The following PRX variants were observed in gnomAD, a reference collection of about 807,000 sequenced individuals.
PRX encodes periaxin.
PRX carries 24 observed loss-of-function variants against 29.6 expected under a neutral mutation model. That is an observed-to-expected ratio of 0.81 (90% CI 0.59 to 1.14). The LOEUF (loss-of-function observed/expected upper bound fraction) is 1.14. Among genes scored for constraint, PRX ranks in the 50% most tolerant of loss-of-function variants. PRX has a pLI of 0.00. For missense variants in PRX, 1,838 were observed against 1,926.4 expected (o/e 0.95, Z 0.86); for synonymous variants, 772 against 831.7 (o/e 0.93, Z 1.24).
Position 40,398,962 on chromosome 19 carries a change from T to C in PRX, c.185-146A>G. On this transcript the variant is annotated intron_variant, in intron 5 of 6. Transcript: ENST00000324001. This position sits in a 1 kb window ranked among gnomAD's most constrained non-coding sequence, Gnocchi z 6.3. ...TCCCCAGCGCAGGATTAAGTCGCAGTTACGCTAGTCCCCGCCCCATGACCT... is the reference window on the plus strand; with the variant it reads ...TCCCCAGCGCAGGATTAAGTCGCAGCTACGCTAGTCCCCGCCCCATGACCT... The C allele has an allele frequency of 6.7e-7, 1 of 1,491,244 alleles. No homozygotes were observed. The allele number at this position is 1,491,244 out of a possible 1,614,324, so 92.4% of individuals were successfully genotyped here.
Position 40,398,579 on chromosome 19 carries a change from C to A in PRX, c.381+41G>T. 6.2e-7 allele frequency: 1 copy of A among 1,609,368 alleles called. No homozygotes were observed. The highest frequency in any genetic ancestry group is 8.5e-7 in the Non-Finnish European group (1 of 1,178,352). On this transcript the variant is annotated intron_variant, in intron 6 of 6. Transcript: ENST00000324001. This position sits in a 1 kb window ranked among gnomAD's most constrained non-coding sequence, Gnocchi z 6.3. ...GGCTCACGGCGCAGAGACCGGATCG[C>A]TGGGGCAGTCCAGGGCCGGGGCCGG...
At position 40,407,948 on chromosome 19, in the gene PRX, C is replaced by T. The variant is rs974883447; in HGVS notation, c.-16G>A. On this transcript the variant is annotated 5_prime_UTR_variant, in exon 4 of 7. Coordinates refer to ENST00000324001, the MANE Select transcript of PRX (RefSeq NM_181882.3). ...TGGCCTCCATGGCGTTGCTGGGAGG[C>T]ACCTGCACCCCAGGCTCCTGTGTCC... The T allele has an allele frequency of 1.2e-6, 2 of 1,613,734 alleles. No individual in the cohort carries two copies. Among genetic ancestry groups the T allele is most frequent in the Admixed American group, 3.3e-5 (2 of 60,020 alleles).
intron 4 of PRX, chr19:40,407,648 CCTT>C: frequency 8.3e-6 from 5 of 599,830 alleles, no homozygotes; most frequent in Non-Finnish European, 1.5e-5. Flanking sequence ...TTCTTCAGCT[CCTT>C]ATTAATTTAG....
At position 40,395,090 on chromosome 19, in the gene PRX, C is replaced by T. The variant is rs2079419260; in HGVS notation, c.3262G>A (p.Glu1088Lys). ...ATCTTAAGCTGCACAGCGGTGGACT[C>T]AGCCTTTTCCCCCGGGCTGGCACGA... Reference protein sequence around the residue: ...GDRASPGEKAESTAVQLKIPE... With the variant: ...GDRASPGEKAKSTAVQLKIPE... The change falls in exon 7 of 7, where the codon GAG (glutamate) becomes AAG (lysine). Residue 1088 changes from glutamate to lysine, a missense_variant. This residue lies in a region of PRX where 1,143 missense variants were observed against 1,193.0 expected (regional missense o/e 0.96). Coordinates refer to ENST00000324001, the MANE Select transcript of PRX (RefSeq NM_181882.3). 2 of 1,613,640 alleles carry T rather than the reference C, an allele frequency of 1.2e-6. No homozygotes were observed. Among genetic ancestry groups the T allele is most frequent in the Admixed American group, 1.7e-5 (1 of 60,014 alleles).
intron 1 of PRX, among the ~76,000 whole-genome samples, chr19:40,410,834 G>T (rs1343508598): frequency 6.6e-6 from 1 of 152,158 alleles, no homozygotes; most frequent in Admixed American, 6.5e-5. Flanking sequence ...ATGCACCACT[G>T]CACTCCAGCC....
intron 4 of PRX, among the ~76,000 whole-genome samples, chr19:40,406,120 G>A (rs143743951): frequency 0.14 from 21,515 of 151,266 alleles, 1,947 homozygotes; most frequent in African/African-American, 0.26. Flanking sequence ...GGTGGTGGGC[G>A]CCTGTAATCC....
chr19:40,404,855 T>C (rs1473962694), intron 4 of PRX, among the ~76,000 whole-genome samples: 1 of 152,128 alleles, frequency 6.6e-6, no homozygotes, highest in Non-Finnish European at 1.5e-5. Context: ...ATTACAGGCA[T>C]GAGCCACTGC....
intron 1 of PRX, among the ~76,000 whole-genome samples, chr19:40,408,948 A>G (rs2079545827): frequency 6.6e-6 from 1 of 151,864 alleles, no homozygotes; most frequent in Non-Finnish European, 1.5e-5. Context: ...CTCCCGCCTC[A>G]GCCTCCCGAG....
In PRX at chr19:40,395,905, G is replaced by A. The variant is rs556698543; in HGVS notation, c.2447C>T (p.Ser816Leu). 1.2e-6 allele frequency: 2 copies of A among 1,614,182 alleles called. No individual in the cohort carries two copies. Among genetic ancestry groups the A allele is most frequent in the Non-Finnish European group, 1.7e-6 (2 of 1,180,048 alleles). The change falls in exon 7 of 7, where the codon TCA (serine) becomes TTA (leucine). Residue 816 changes from serine (S) to leucine (L), a missense_variant. Coordinates refer to ENST00000324001, the MANE Select transcript of PRX (RefSeq NM_181882.3). ...MPKLGRAESP[S>L]RGKPGEAGAE... ...ACCCGCCTCGCCTGGCTTGCCACGTGATGGGGACTCTGCCCTCCCTAGCTT... is the reference window on the plus strand; with the variant it reads ...ACCCGCCTCGCCTGGCTTGCCACGTAATGGGGACTCTGCCCTCCCTAGCTT...
In PRX at chr19:40,407,869, C is replaced by T. The variant is rs558605343; in HGVS notation, c.27+37G>A. The T allele has an allele frequency of 1.1e-4, 178 of 1,612,012 alleles. 1 individual carries two copies. In the South Asian group the frequency reaches 1.9e-3, roughly 17 times the overall value. ...TGCCCTAGTCTGTGCCTCCCCATTG[C>T]CCTCAAGTGCGCCTTGCAGGACACG... On this transcript the variant is annotated intron_variant, in intron 4 of 6. Transcript: ENST00000324001.
intron 5 of PRX, among the ~76,000 whole-genome samples, chr19:40,399,891 C>CTTTCTT (rs1270457639): frequency 1.5e-5 from 1 of 68,896 alleles, no homozygotes; most frequent in South Asian, 4.2e-4. Flanking sequence ...TTCTTTCTTT[C>CTTTCTT]TTTCTTTCTT....
intron 5 of PRX, among the ~76,000 whole-genome samples, chr19:40,399,543 G>C (rs564894245): frequency 1.2e-4 from 18 of 152,228 alleles, no homozygotes; most frequent in Admixed American, 3.9e-4. Flanking sequence ...TGTATAGTAA[G>C]TCCAAGGGTC....
intron 1 of PRX, among the ~76,000 whole-genome samples, chr19:40,408,811 T>G (rs268668): frequency 0.12 from 16,823 of 144,292 alleles, 2,328 homozygotes; most frequent in African/African-American, 0.36. Context: ...TTTGTTGTTG[T>G]TGGTGGTGTG....
At position 40,394,574 on chromosome 19, in the gene PRX, C is replaced by G; in HGVS notation, c.3778G>C (p.Gly1260Arg). 1 of 1,608,990 alleles carries G rather than the reference C, an allele frequency of 6.2e-7. No individual in the cohort carries two copies. The highest frequency in any genetic ancestry group is 1.1e-5 in the South Asian group (1 of 90,848). ...LGARARVGGEGAEEQPPGAER... is the reference protein window; with the variant it reads ...LGARARVGGERAEEQPPGAER... ...GCCCCTGGGGGCTGCTCCTCAGCAC[C>G]CTCGCCCCCCACCCTAGCTCTGGCC... is the stretch of plus-strand genomic sequence containing the variant. The change falls in exon 7 of 7, where the codon GGT becomes CGT. Residue 1260 changes from glycine (G) to arginine (R), a missense_variant. Coordinates refer to ENST00000324001, the MANE Select transcript of PRX (RefSeq NM_181882.3). This position sits in a 1 kb window ranked among gnomAD's most constrained non-coding sequence, Gnocchi z 5.8.
chr19:40,410,602 G>A (rs930002536), intron 1 of PRX, among the ~76,000 whole-genome samples: 11 of 152,224 alleles, frequency 7.2e-5, no homozygotes, highest in Non-Finnish European at 1.6e-4. Flanking sequence ...GGCTGGGCGC[G>A]TGGCTTAGGC....
chr19:40,395,632 TGTGGG>T lies in PRX; in HGVS notation c.2715_2719del (p.Pro906AlafsTer7). The T allele has an allele frequency of 6.2e-7, 1 of 1,614,168 alleles. No individual in the cohort carries two copies. The highest frequency in any genetic ancestry group is 2.2e-5 in the East Asian group (1 of 44,870). On this transcript the variant is annotated frameshift_variant, in exon 7 of 7. Coordinates refer to ENST00000324001, the MANE Select transcript of PRX (RefSeq NM_181882.3). LOFTEE classifies it low-confidence loss of function (END_TRUNC). ...TTCCTCAATTTCCACGGCGGGCAGC[TGTGGG>T]GTGACAATTTCAACAGAGGGCACTC...
chr19:40,394,994 C>G lies in PRX; in HGVS notation c.3358G>C (p.Gly1120Arg). Residue 1120 changes from glycine (G) to arginine (R), a missense_variant, in exon 7 of 7, where the codon GGA becomes CGA. Around this residue, in one of 3 missense-constraint regions of PRX, gnomAD observed 1,143 missense variants for 1,193.0 expected, o/e 0.96. Coordinates refer to ENST00000324001, the MANE Select transcript of PRX (RefSeq NM_181882.3). The surrounding 1 kb of genome is among the most constrained non-coding windows in gnomAD (Gnocchi z 5.8). ...ACCTTCAGGCCTGACAGCTGCATTC[C>G]ACTGACGGCCACAGCCCCCTCTGCC... ...GRAEGAVAVS[G>R]MQLSGLKVST... 1.2e-6 allele frequency: 2 copies of G among 1,609,098 alleles called. No homozygotes were observed. The highest frequency in any genetic ancestry group is 1.7e-6 in the Non-Finnish European group (2 of 1,179,804).
chr19:40,412,197 C>T (rs2079561642), intron 1 of PRX, among the ~76,000 whole-genome samples: 1 of 152,212 alleles, frequency 6.6e-6, no homozygotes, highest in Non-Finnish European at 1.5e-5. Flanking sequence ...CGTGATCTCT[C>T]ATAGCAATGG....
At chr19:40,397,996 G>A (rs2079459717) in intron 6 of PRX, 26 bp from the exon 7 acceptor site, 1 of 1,594,816 alleles carries the variant, frequency 6.3e-7, no homozygotes, top group African/African-American at 1.3e-5. Flanking sequence ...AGAGGCAGGA[G>A]GCGGTGGGAC....
Sources: allele counts gnomAD v4.1 joint callset (sites outside exome capture counted in the v4.1 genomes callset), GRCh38; gene constraint gnomAD v4.1.1; regional missense constraint gnomAD v4.1.1; non-coding constraint Gnocchi (gnomAD v3.1); transcripts MANE v1.5; gene names NCBI Gene and HGNC (gene_info 2026-07-23, HGNC 2026-07-21).